RGS10: variants seen among roughly 807,000 people sequenced by gnomAD.
RGS10 encodes regulator of G protein signaling 10, also known as regulator of G-protein signalling 10.
Under a neutral mutation model 23.5 loss-of-function variants are expected in RGS10, and 11 were observed. That is an observed-to-expected ratio of 0.47 (90% CI 0.29 to 0.77). The LOEUF (loss-of-function observed/expected upper bound fraction) is 0.77. Among genes scored for constraint, RGS10 ranks in the 30% least tolerant of loss-of-function variants. The pLI is 0.08. For synonymous variants in RGS10, 77 were observed against 83.2 expected (o/e 0.92, Z 0.41); for missense variants, 180 against 226.3 (o/e 0.80, Z 1.31).
intron 4 of RGS10, among the ~76,000 whole-genome samples, chr10:119,508,560 G>A (rs11198981): frequency 0.07 from 10,617 of 152,272 alleles, 498 homozygotes; most frequent in African/African-American, 0.12. Flanking sequence ...TGCCAGAGGA[G>A]AATTTTGTTT....
In RGS10 at chr10:119,516,017, C is replaced by T. The variant is rs372559980; in HGVS notation, c.256-365G>A. On this transcript the variant is annotated intron_variant, in intron 3 of 4. Coordinates refer to ENST00000369103, the MANE Select transcript of RGS10 (RefSeq NM_001005339.2). ...CTGTAATCCCAGCACTTTGGGAAGC[C>T]GAGGCAGATTGATCACCTGAGGTCA... 3.9e-5 allele frequency among the ~76,000 whole-genome samples: 6 copies of T among 152,252 alleles called. No homozygotes were observed. The East Asian group carries it at 9.6e-4, about 24-fold the overall frequency.
chr10:119,529,153 G>A (rs1354408377), intron 1 of RGS10, among the ~76,000 whole-genome samples: 1 of 152,086 alleles, frequency 6.6e-6, no homozygotes, highest in Non-Finnish European at 1.5e-5. Flanking sequence ...ATGGGGCCAG[G>A]TTCAAAACCC....
At position 119,516,904 on chromosome 10, in the gene RGS10, G is replaced by A. The variant is rs138400887; in HGVS notation, c.256-1252C>T. Reference sequence around the variant, plus strand: ...CTCATACCTCGCCAACAGCAAAAGCGGGGCTGTTTCTCTGAACGTTAGAGT... The same window carrying A: ...CTCATACCTCGCCAACAGCAAAAGCAGGGCTGTTTCTCTGAACGTTAGAGT... On this transcript the variant is annotated intron_variant, in intron 3 of 4. Coordinates refer to ENST00000369103, the MANE Select transcript of RGS10 (RefSeq NM_001005339.2). Among the ~76,000 whole-genome samples, 678 of 152,306 alleles carry A rather than the reference G, an allele frequency of 4.5e-3. 3 individuals are homozygous for A. Among genetic ancestry groups the A allele is most frequent in the African/African-American group, 0.016 (648 of 41,566 alleles).
At chr10:119,506,668 T>C (rs1221454516) in intron 4 of RGS10, among the ~76,000 whole-genome samples, 1 of 152,170 alleles carries the variant, frequency 6.6e-6, no homozygotes, top group Non-Finnish European at 1.5e-5. Context: ...CTCCTCTGAG[T>C]GCCACTCTCC....
intron 4 of RGS10, among the ~76,000 whole-genome samples, chr10:119,506,702 T>C (rs1192699601): frequency 6.6e-6 from 1 of 152,150 alleles, no homozygotes; most frequent in East Asian, 1.9e-4. Flanking sequence ...CAAATACTTT[T>C]ATTTATTTAT....
intron 3 of RGS10, among the ~76,000 whole-genome samples, chr10:119,525,651 T>C (rs1844265846): frequency 6.6e-6 from 1 of 152,226 alleles, no homozygotes; most frequent in South Asian, 2.1e-4. Context: ...TGACAATCCC[T>C]CTGATGCACC....
At chr10:119,506,848 G>A (rs1302453101) in intron 4 of RGS10, among the ~76,000 whole-genome samples, 2 of 152,066 alleles carry the variant, frequency 1.3e-5, no homozygotes, top group Admixed American at 6.5e-5. Flanking sequence ...TTACAGGCAC[G>A]TGCCACCACA....
In RGS10 at chr10:119,538,979, C is replaced by T. The variant is rs1473807464; in HGVS notation, c.49+3611G>A. Among the ~76,000 whole-genome samples the T allele has an allele frequency of 6.6e-6, 1 of 152,178 alleles. No individual in the cohort carries two copies. The highest frequency in any genetic ancestry group is 1.5e-5 in the Non-Finnish European group (1 of 68,032). ...AGGAAATGGCCATGCCAGGCATCTA[C>T]ATTTTCTAACCATGAAGAAAGGAGA... On this transcript the variant is annotated intron_variant, in intron 1 of 4. Coordinates refer to ENST00000369103, the MANE Select transcript of RGS10 (RefSeq NM_001005339.2). The surrounding 1 kb of genome is among the most constrained non-coding windows in gnomAD (Gnocchi z 4.5).
At chr10:119,506,850 G>A (rs1446154128) in intron 4 of RGS10, among the ~76,000 whole-genome samples, 2 of 152,124 alleles carry the variant, frequency 1.3e-5, no homozygotes, top group African/African-American at 4.8e-5. Flanking sequence ...ACAGGCACGT[G>A]CCACCACACC....
At chr10:119,541,983 G>T (rs550229531) in intron 1 of RGS10, among the ~76,000 whole-genome samples, 1 of 152,250 alleles carries the variant, frequency 6.6e-6, no homozygotes, top group African/African-American at 2.4e-5. Context: ...CGTGGCTCAG[G>T]CTGGCCCAAA....
At chr10:119,523,617 A>T (rs915600452) in intron 3 of RGS10, among the ~76,000 whole-genome samples, 3 of 152,066 alleles carry the variant, frequency 2.0e-5, no homozygotes, top group Admixed American at 6.6e-5. Context: ...GTGAGCCAAG[A>T]CCTCACCACT....
intron 3 of RGS10, among the ~76,000 whole-genome samples, chr10:119,518,573 G>A (rs945554578): frequency 2.0e-5 from 3 of 152,130 alleles, no homozygotes; most frequent in African/African-American, 7.2e-5. Context: ...GTCACCAGGG[G>A]CCCAAAGCTC....
chr10:119,529,637 C>A (rs1457500653), intron 1 of RGS10, among the ~76,000 whole-genome samples: 6 of 152,172 alleles, frequency 3.9e-5, no homozygotes, highest in African/African-American at 9.7e-5. Flanking sequence ...AGATGCTCAA[C>A]AAATGTGAGC....
Position 119,527,472 on chromosome 10 carries a change from T to C in RGS10, c.50-48A>G, listed in dbSNP as rs780046491. 1.4e-6 allele frequency: 2 copies of C among 1,432,884 alleles called. No homozygotes were observed. Among genetic ancestry groups the C allele is most frequent in the East Asian group, 4.6e-5 (2 of 43,894 alleles). 88.8% of individuals were successfully genotyped at this position (1,432,884 alleles called of 1,614,324 possible). On this transcript the variant is annotated intron_variant, in intron 1 of 4. Coordinates refer to ENST00000369103, the MANE Select transcript of RGS10 (RefSeq NM_001005339.2). This position sits in a 1 kb window ranked among gnomAD's most constrained non-coding sequence, Gnocchi z 4.2. ...CATATGTGGCCAACAGACACTGTCATTTTAAGAAATCTGCATGCAATGGTC... is the reference window on the plus strand; with the variant it reads ...CATATGTGGCCAACAGACACTGTCACTTTAAGAAATCTGCATGCAATGGTC...
chr10:119,506,255 G>A (rs1844011205), intron 4 of RGS10, among the ~76,000 whole-genome samples: 1 of 152,252 alleles, frequency 6.6e-6, no homozygotes, highest in South Asian at 2.1e-4. Context: ...GCACCCAGGA[G>A]GAGGTCTGAG....
Position 119,500,073 on chromosome 10 carries a change from C to T in RGS10, c.*40G>A. ...CCGGCACGGTCCTGAGAGGAAATTCCTTTGCTTCTTAAAGCTGCCAGTCCC... is the reference window on the plus strand; with the variant it reads ...CCGGCACGGTCCTGAGAGGAAATTCTTTTGCTTCTTAAAGCTGCCAGTCCC... On this transcript the variant is annotated 3_prime_UTR_variant, in exon 5 of 5. Transcript: ENST00000369103. 6.2e-7 allele frequency: 1 copy of T among 1,602,300 alleles called. No homozygotes were observed. The highest frequency in any genetic ancestry group is 1.1e-5 in the South Asian group (1 of 88,736).
chr10:119,536,544 AAGGC>A (rs1237924686), intron 1 of RGS10: 2 of 1,590,596 alleles, frequency 1.3e-6, no homozygotes, highest in African/African-American at 1.3e-5. Flanking sequence ...TTGTGTGAGA[AAGGC>A]AGAGACTGGA....
At chr10:119,536,413 A>G in intron 1 of RGS10, 3 of 1,572,344 alleles carry the variant, frequency 1.9e-6, no homozygotes, top group Non-Finnish European at 2.6e-6. Flanking sequence ...GCCCAGGGCC[A>G]AGGCGACAGG....
rs145617579 is a variant in RGS10, at chr10:119,511,384, C to T, written c.399+4125G>A. On this transcript the variant is annotated intron_variant, in intron 4 of 4. Transcript: ENST00000369103. ...CTGTAATCCCAGTACTTTGGGAGGC[C>T]GAGGTGGGTGGATCACTTGAGGCCA... 2.5e-3 allele frequency among the ~76,000 whole-genome samples: 374 copies of T among 152,134 alleles called. 2 individuals are homozygous for T. The East Asian group carries it at 0.03, about 12-fold the overall frequency.
Sources: allele counts gnomAD v4.1 joint callset (sites outside exome capture counted in the v4.1 genomes callset), GRCh38; gene constraint gnomAD v4.1.1; non-coding constraint Gnocchi (gnomAD v3.1); transcripts MANE v1.5; gene names NCBI Gene and HGNC (gene_info 2026-07-23, HGNC 2026-07-21).